Variants in TENM3 observed in about 807,000 individuals in gnomAD.
TENM3 encodes the protein teneurin transmembrane protein 3, also known as teneurin-3.
TENM3 carries 63 observed loss-of-function variants against 255.1 expected under a neutral mutation model. The ratio of observed to expected loss-of-function variants is 0.25; its 90% CI spans 0.20 to 0.30. The LOEUF (loss-of-function observed/expected upper bound fraction) is 0.30, where lower values mean the gene tolerates loss of function less well. Ranked by LOEUF, TENM3 falls within the 10% of genes least tolerant of loss-of-function variation. TENM3 has a pLI of 1.00. For synonymous variants in TENM3, 1,306 were observed against 1,322.3 expected, an observed-to-expected ratio of 0.99 and a Z score of 0.27; for missense variants, 2,929 against 3,461.1, an observed-to-expected ratio of 0.85 and a Z score of 3.86.
At position 182,793,829 on chromosome 4, in the gene TENM3, T is replaced by A. The variant is rs1483035704; in HGVS notation, c.7157T>A (p.Met2386Lys). ...GKDPAPFNLY[M>K]FRNNNPASKI... ...GACCCAGCTCCTTTTAACTTGTACATGTTTAGGAATAACAACCCTGCAAGC... is the reference window on the plus strand; with the variant it reads ...GACCCAGCTCCTTTTAACTTGTACAAGTTTAGGAATAACAACCCTGCAAGC... Residue 2386 changes from methionine to lysine, a missense_variant, in exon 26 of 28, where the codon ATG (methionine) becomes AAG (lysine). By Grantham distance (95) the Met-to-Lys change is moderately conservative. Transcript: ENST00000511685. This position sits in a 1 kb window ranked among gnomAD's most constrained non-coding sequence, Gnocchi z 5.7. 3.1e-6 allele frequency: 5 copies of A among 1,613,576 alleles called. No individual in the cohort carries two copies. Among genetic ancestry groups the A allele is most frequent in the Non-Finnish European group, 4.2e-6 (5 of 1,179,708 alleles).
intron 1 of TENM3, among the ~76,000 whole-genome samples, chr4:182,250,263 A>G (rs992065717): frequency 7.7e-5 from 11 of 142,742 alleles, no homozygotes; most frequent in East Asian, 5.8e-4. Flanking sequence ...TGTGTTAGCC[A>G]GGATGGTCTC....
In TENM3 at chr4:182,676,365, T is replaced by C. The variant is rs529260522; in HGVS notation, c.1326+3146T>C. Among the ~76,000 whole-genome samples the C allele has an allele frequency of 3.3e-5, 5 of 152,328 alleles. No individual in the cohort carries two copies. In the East Asian group the frequency reaches 9.7e-4, roughly 29 times the overall value. ...ATGAAGGCTGTTGTCGAATAGGAGT[T>C]GGAAGCCTGAGTTCTAGCATACCCT... is the stretch of plus-strand genomic sequence containing the variant. On this transcript the variant is annotated intron_variant, in intron 7 of 27. Coordinates refer to ENST00000511685, the MANE Select transcript of TENM3 (RefSeq NM_001080477.4).
chr4:182,087,572 G>C, the TENM3 span, among the ~76,000 whole-genome samples: 21 of 152,102 alleles, frequency 1.4e-4, no homozygotes, highest in African/African-American at 5.1e-4. Flanking sequence ...TGTTAATGAA[G>C]GATGGAAGTC....
At chr4:181,772,992 A>T in the TENM3 span, among the ~76,000 whole-genome samples, 1 of 151,782 alleles carries the variant, frequency 6.6e-6, no homozygotes. Context: ...GACATAGGGC[A>T]CCCCCCCAAA....
chr4:182,283,802 G>A (rs980058913), intron 1 of TENM3, among the ~76,000 whole-genome samples: 3 of 152,160 alleles, frequency 2.0e-5, no homozygotes, highest in Non-Finnish European at 4.4e-5. Flanking sequence ...TTTGAATGGA[G>A]GTGATGGGTA....
At chr4:182,353,859 G>A (rs773388589) in intron 3 of TENM3, among the ~76,000 whole-genome samples, 27 of 151,982 alleles carry the variant, frequency 1.8e-4, no homozygotes, top group Non-Finnish European at 3.7e-4. Flanking sequence ...CCAGCTACTC[G>A]GGAGGCTGAT....
At chr4:182,408,094 T>C (rs1267443233) in intron 3 of TENM3, among the ~76,000 whole-genome samples, 1 of 152,200 alleles carries the variant, frequency 6.6e-6, no homozygotes, top group East Asian at 1.9e-4. Flanking sequence ...TCACAAACTC[T>C]TCATGGGAAA....
the TENM3 span, among the ~76,000 whole-genome samples, chr4:181,535,171 CG>C: frequency 6.6e-6 from 1 of 152,168 alleles, no homozygotes; most frequent in South Asian, 2.1e-4. Context: ...ACTCAACAGT[CG>C]GGGCTGGGCA....
the TENM3 span, among the ~76,000 whole-genome samples, chr4:181,943,162 A>G: frequency 6.6e-6 from 1 of 152,168 alleles, no homozygotes; most frequent in Non-Finnish European, 1.5e-5. Flanking sequence ...AAAGTGGTAG[A>G]GTCCCTGGAT....
chr4:182,394,115 T>C (rs1768633239), intron 3 of TENM3, among the ~76,000 whole-genome samples: 1 of 149,720 alleles, frequency 6.7e-6, no homozygotes. Context: ...AGAGTAGTTA[T>C]TAAGAAGGTC....
the TENM3 span, among the ~76,000 whole-genome samples, chr4:182,007,661 T>A: frequency 2.0e-5 from 3 of 152,196 alleles, no homozygotes; most frequent in Non-Finnish European, 2.9e-5. Flanking sequence ...CACCAATGGG[T>A]CTTGACATCT....
intron 14 of TENM3, among the ~76,000 whole-genome samples, chr4:182,729,619 G>A (rs890148353): frequency 6.6e-6 from 1 of 152,096 alleles, no homozygotes; most frequent in Non-Finnish European, 1.5e-5. Context: ...CTGGTGCTTT[G>A]CAGAGCAGTA....
At chr4:182,693,970 C>T (rs1757196815) in intron 12 of TENM3, among the ~76,000 whole-genome samples, 2 of 152,114 alleles carry the variant, frequency 1.3e-5, no homozygotes, top group African/African-American at 2.4e-5. Flanking sequence ...CTGTCCAGGA[C>T]ATTTACTTTA....
chr4:182,364,710 C>T (rs540302417), intron 3 of TENM3, among the ~76,000 whole-genome samples: 19 of 152,340 alleles, frequency 1.2e-4, no homozygotes, highest in Non-Finnish European at 2.1e-4. Flanking sequence ...TGAGCCACCG[C>T]GCCCAGCCCC....
At chr4:182,584,503 ACACTCTG>A (rs1219000220) in intron 3 of TENM3, among the ~76,000 whole-genome samples, 2 of 152,188 alleles carry the variant, frequency 1.3e-5, no homozygotes, top group Non-Finnish European at 2.9e-5. Context: ...TTTAGTCAAT[ACACTCTG>A]CATACACAGG....
At chr4:182,114,757 T>C in the TENM3 span, among the ~76,000 whole-genome samples, 25 of 152,344 alleles carry the variant, frequency 1.6e-4, no homozygotes, top group African/African-American at 5.1e-4. Flanking sequence ...GTTGTTTATA[T>C]GAAATACATG....
chr4:182,526,019 G>A (rs1436255490), intron 3 of TENM3, among the ~76,000 whole-genome samples: 4 of 151,902 alleles, frequency 2.6e-5, no homozygotes, highest in South Asian at 2.1e-4. Context: ...GTGCTCTGTC[G>A]CCCAGGCTGG....
intron 1 of TENM3, among the ~76,000 whole-genome samples, chr4:182,230,812 C>CTATATATATATATATATA (rs55642239): frequency 5.2e-5 from 3 of 58,058 alleles, no homozygotes; most frequent in African/African-American, 8.1e-5. Context: ...GTTTCTCAAA[C>CTATATATATATATATATA]TATATATATA....
At chr4:181,864,420 C>T in the TENM3 span, among the ~76,000 whole-genome samples, 2 of 151,108 alleles carry the variant, frequency 1.3e-5, no homozygotes, top group East Asian at 3.9e-4. Flanking sequence ...CTTGAATAAC[C>T]CAGGAGACAA....
Sources: allele counts gnomAD v4.1 joint callset (sites outside exome capture counted in the v4.1 genomes callset), GRCh38; gene constraint gnomAD v4.1.1; non-coding constraint Gnocchi (gnomAD v3.1); transcripts MANE v1.5; gene names NCBI Gene and HGNC (gene_info 2026-07-23, HGNC 2026-07-21).